Variants in WWOX observed in about 807,000 individuals in gnomAD.
WWOX encodes WW domain containing oxidoreductase, also known as WW domain-containing oxidoreductase.
Under a neutral mutation model 46.2 loss-of-function variants are expected in WWOX, and 69 were observed. The ratio of observed to expected loss-of-function variants is 1.49; its 90% CI spans 1.23 to 1.82. The LOEUF is 1.82. WWOX is among the 40% of genes most tolerant of loss of function. The pLI is 0.00. For missense variants in WWOX, 919 were observed against 542.6 expected, an observed-to-expected ratio of 1.69 and a Z score of -6.89; for synonymous variants, 359 against 202.6, an observed-to-expected ratio of 1.77 and a Z score of -6.56.
chr16:78,279,875 T>G (rs12449245), intron 5 of WWOX, among the ~76,000 whole-genome samples: 63,053 of 152,152 alleles, frequency 0.41, 16,083 homozygotes, highest in East Asian at 0.73. Context: ...GATTGGTCCT[T>G]CTGTCCTGGG....
intron 4 of WWOX, among the ~76,000 whole-genome samples, chr16:78,131,161 G>A (rs2033577738): frequency 6.6e-6 from 1 of 152,320 alleles, no homozygotes; most frequent in South Asian, 2.1e-4. Flanking sequence ...GTGTTGTTAT[G>A]CAGTGTGTGA....
At chr16:79,025,999 C>T (rs57683261) in intron 8 of WWOX, among the ~76,000 whole-genome samples, 63,868 of 150,272 alleles carry the variant, frequency 0.43, 14,170 homozygotes, top group East Asian at 0.68. Flanking sequence ...TGGGTTTTAG[C>T]CATGTTGTGC....
intron 8 of WWOX, among the ~76,000 whole-genome samples, chr16:79,159,160 G>T (rs55840810): frequency 0.016 from 2,433 of 152,078 alleles, 70 homozygotes; most frequent in African/African-American, 0.056. Context: ...ATTTTATTTC[G>T]CTTTAACAAG....
chr16:78,127,885 G>T (rs1163093878), intron 4 of WWOX, among the ~76,000 whole-genome samples: 1 of 152,194 alleles, frequency 6.6e-6, no homozygotes, highest in Non-Finnish European at 1.5e-5. Context: ...GACACAGATT[G>T]TCCTTAACTT....
chr16:78,982,148 A>G (rs982408353), intron 8 of WWOX, among the ~76,000 whole-genome samples: 2 of 152,098 alleles, frequency 1.3e-5, no homozygotes, highest in Non-Finnish European at 2.9e-5. Context: ...TCAGAGGAAA[A>G]GAAGAAAAAA....
intron 8 of WWOX, among the ~76,000 whole-genome samples, chr16:79,050,912 A>T (rs907655254): frequency 6.6e-6 from 1 of 152,220 alleles, no homozygotes; most frequent in South Asian, 2.1e-4. Context: ...AGCCCCATAA[A>T]AGGCAAAGTG....
intron 8 of WWOX, among the ~76,000 whole-genome samples, chr16:78,981,185 C>T (rs115324319): frequency 1.3e-4 from 20 of 152,276 alleles, no homozygotes; most frequent in African/African-American, 4.1e-4. Flanking sequence ...CATGTGGTCT[C>T]CATGATGTCC....
At chr16:78,964,214 A>G (rs1392490377) in intron 8 of WWOX, among the ~76,000 whole-genome samples, 1 of 152,244 alleles carries the variant, frequency 6.6e-6, no homozygotes, top group Non-Finnish European at 1.5e-5. Context: ...AGAAGTTAGA[A>G]CCGTTGGGAG....
At chr16:78,835,319 G>A (rs140813292) in intron 8 of WWOX, among the ~76,000 whole-genome samples, 35 of 152,190 alleles carry the variant, frequency 2.3e-4, no homozygotes, top group African/African-American at 7.9e-4. Flanking sequence ...CATTCAAAGC[G>A]TTGTGCAAAA....
intron 8 of WWOX, among the ~76,000 whole-genome samples, chr16:78,853,188 C>T (rs1053910999): frequency 6.6e-6 from 1 of 152,104 alleles, no homozygotes; most frequent in Non-Finnish European, 1.5e-5. Context: ...ATGGCAAATG[C>T]ATAGTAAATA....
chr16:78,567,959 G>A (rs2044614536), intron 8 of WWOX, among the ~76,000 whole-genome samples: 1 of 152,110 alleles, frequency 6.6e-6, no homozygotes, highest in Non-Finnish European at 1.5e-5. Context: ...ATTAATCTTA[G>A]CGTATAATGG....
At chr16:79,022,075 C>T (rs1002987000) in intron 8 of WWOX, among the ~76,000 whole-genome samples, 1 of 152,168 alleles carries the variant, frequency 6.6e-6, no homozygotes, top group Non-Finnish European at 1.5e-5. Context: ...GATGGGGATG[C>T]CAAGTACCCT....
intron 8 of WWOX, among the ~76,000 whole-genome samples, chr16:78,956,694 A>G (rs1270064040): frequency 6.6e-6 from 1 of 152,128 alleles, no homozygotes; most frequent in Non-Finnish European, 1.5e-5. Flanking sequence ...CTCTTTGTGC[A>G]CACATCAAAA....
intron 8 of WWOX, among the ~76,000 whole-genome samples, chr16:78,760,899 C>G (rs905632032): frequency 6.6e-6 from 1 of 152,118 alleles, no homozygotes; most frequent in Non-Finnish European, 1.5e-5. Flanking sequence ...AGGGGAAAGG[C>G]GCATCTCACG....
At chr16:78,887,441 A>G (rs924665622) in intron 8 of WWOX, among the ~76,000 whole-genome samples, 3 of 148,538 alleles carry the variant, frequency 2.0e-5, no homozygotes, top group African/African-American at 7.5e-5. Flanking sequence ...TAAGGTGGGA[A>G]GGCAATGAAG....
At chr16:79,187,221 G>T (rs371438316) in intron 8 of WWOX, among the ~76,000 whole-genome samples, 1 of 152,132 alleles carries the variant, frequency 6.6e-6, no homozygotes, top group African/African-American at 2.4e-5. Flanking sequence ...CCTGTAAAAC[G>T]GGTTAATATC....
chr16:79,121,780 G>T (rs1214459594), intron 8 of WWOX, among the ~76,000 whole-genome samples: 1 of 152,092 alleles, frequency 6.6e-6, no homozygotes, highest in Non-Finnish European at 1.5e-5. Flanking sequence ...TGCCAGATAA[G>T]GTCCATTACT....
intron 8 of WWOX, among the ~76,000 whole-genome samples, chr16:78,473,732 G>A (rs776353033): frequency 6.6e-6 from 1 of 152,046 alleles, no homozygotes; most frequent in Admixed American, 6.6e-5. Context: ...TTACTCCCAG[G>A]TCTTTGCAAG....
intron 8 of WWOX, among the ~76,000 whole-genome samples, chr16:79,011,953 C>T (rs139942651): frequency 6.6e-6 from 1 of 152,324 alleles, no homozygotes; most frequent in African/African-American, 2.4e-5. Context: ...TGTGCCTGGC[C>T]TCTGTCAACT....
Sources: gnomAD v4.1 joint callset for allele counts (sites outside exome capture counted in the v4.1 genomes callset) on GRCh38, gnomAD v4.1.1 for gene constraint, MANE v1.5 for transcripts, NCBI Gene and HGNC (gene_info 2026-07-23, HGNC 2026-07-21) for gene names.